Variants in DMRT1 observed in about 807,000 individuals in gnomAD.
DMRT1 encodes the protein doublesex and mab-3 related transcription factor 1, also known as doublesex- and mab-3-related transcription factor 1.
In DMRT1, 7 loss-of-function variants were observed where a neutral mutation model predicts 32.3. That is an observed-to-expected ratio of 0.22 (90% CI 0.12 to 0.41). DMRT1 has a LOEUF of 0.41. Among genes scored for constraint, DMRT1 ranks in the 10% least tolerant of loss-of-function variants. The pLI, the probability that DMRT1 is intolerant of heterozygous loss-of-function variation, is 1.00. For missense variants in DMRT1, 625 were observed against 500.5 expected (o/e 1.25, Z -2.37); for synonymous variants, 278 against 206.1 (o/e 1.35, Z -2.99).
chr9:856,690 G>C (rs1171934110), intron 2 of DMRT1, among the ~76,000 whole-genome samples: 1 of 152,130 alleles, frequency 6.6e-6, no homozygotes, highest in East Asian at 1.9e-4. Flanking sequence ...GAGTAATGTT[G>C]CTGTGAACTT....
chr9:855,528 G>C (rs909657038), intron 2 of DMRT1, among the ~76,000 whole-genome samples: 1 of 152,204 alleles, frequency 6.6e-6, no homozygotes, highest in Non-Finnish European at 1.5e-5. Flanking sequence ...AAAATACTAG[G>C]TAAGTGATCT....
intron 4 of DMRT1, among the ~76,000 whole-genome samples, chr9:963,328 G>A (rs1450901196): frequency 1.3e-5 from 2 of 152,104 alleles, no homozygotes; most frequent in African/African-American, 2.4e-5. Flanking sequence ...ATGGTGTTAC[G>A]GAAAACACAA....
intron 2 of DMRT1, among the ~76,000 whole-genome samples, chr9:878,669 G>C (rs1816610464): frequency 6.6e-6 from 1 of 152,094 alleles, no homozygotes; most frequent in Non-Finnish European, 1.5e-5. Context: ...TTTGGAGCAA[G>C]GATAACTTTG....
chr9:875,378 T>A (rs1816453108), intron 2 of DMRT1, among the ~76,000 whole-genome samples: 2 of 151,984 alleles, frequency 1.3e-5, no homozygotes, highest in Admixed American at 1.3e-4. Flanking sequence ...AGCTTTAGAG[T>A]CTTTGTCCTT....
chr9:885,292 A>T (rs73374718), intron 2 of DMRT1, among the ~76,000 whole-genome samples: 14,027 of 152,218 alleles, frequency 0.092, 1,409 homozygotes, highest in African/African-American at 0.25. Context: ...TATTGCAAGG[A>T]TAGAGGGCTT....
chr9:936,171 T>C (rs1406436108), intron 4 of DMRT1, among the ~76,000 whole-genome samples: 4 of 152,226 alleles, frequency 2.6e-5, no homozygotes, highest in African/African-American at 7.2e-5. Context: ...TCTCCACTTC[T>C]TTATGAAGGA....
chr9:948,165 G>GT (rs1389260837), intron 4 of DMRT1, among the ~76,000 whole-genome samples: 5 of 152,216 alleles, frequency 3.3e-5, no homozygotes, highest in African/African-American at 1.2e-4. Flanking sequence ...TGGGAACACA[G>GT]TGGGGAGCTT....
intron 4 of DMRT1, among the ~76,000 whole-genome samples, chr9:933,985 T>G (rs1818806919): frequency 6.6e-6 from 1 of 151,600 alleles, no homozygotes; most frequent in Non-Finnish European, 1.5e-5. Context: ...CTAACAGAAT[T>G]AGTTGATCCT....
chr9:936,426 A>G (rs1414754734), intron 4 of DMRT1, among the ~76,000 whole-genome samples: 1 of 151,788 alleles, frequency 6.6e-6, no homozygotes, highest in Non-Finnish European at 1.5e-5. Context: ...TCCACTTAAC[A>G]TCTCCTGTGA....
intron 2 of DMRT1, among the ~76,000 whole-genome samples, chr9:880,269 T>G (rs1049332269): frequency 6.6e-6 from 1 of 152,172 alleles, no homozygotes; most frequent in African/African-American, 2.4e-5. Flanking sequence ...TCCCATTGAG[T>G]CACACAGTTT....
At position 965,993 on chromosome 9, in the gene DMRT1, A is replaced by G. The variant is rs954384563; in HGVS notation, c.968-1992A>G. Among the ~76,000 whole-genome samples, 2 of 152,318 alleles carry G rather than the reference A, an allele frequency of 1.3e-5. No individual in the cohort carries two copies. Among genetic ancestry groups the G allele is most frequent in the Admixed American group, 6.5e-5 (1 of 15,300 alleles). On this transcript the variant is annotated intron_variant, in intron 4 of 4. Transcript: ENST00000382276. The surrounding 1 kb of genome is among the most constrained non-coding windows in gnomAD (Gnocchi z 4.5). ...CTGTTCTTCTCCATAGCTTCTATAC[A>G]GAGAAACTTCTGTCACTGGTTGGGG... is the stretch of plus-strand genomic sequence containing the variant.
chr9:926,177 C>G (rs1349854510), intron 4 of DMRT1, among the ~76,000 whole-genome samples: 9 of 145,742 alleles, frequency 6.2e-5, no homozygotes, highest in Non-Finnish European at 1.2e-4. Flanking sequence ...GTGTGGTGTT[C>G]TCTTTACATT....
intron 2 of DMRT1, among the ~76,000 whole-genome samples, chr9:881,719 AGG>A: frequency 6.6e-6 from 1 of 152,368 alleles, no homozygotes; most frequent in East Asian, 1.9e-4. Context: ...AATATTTAAA[AGG>A]TTCAAGAAGG....
chr9:932,823 G>GT (rs906552663), intron 4 of DMRT1, among the ~76,000 whole-genome samples: 3 of 152,072 alleles, frequency 2.0e-5, no homozygotes, highest in Admixed American at 1.3e-4. Flanking sequence ...ACTCTAAGCA[G>GT]TTTTTTTTAA....
At chr9:901,914 T>C (rs1403619127) in intron 3 of DMRT1, among the ~76,000 whole-genome samples, 9 of 35,678 alleles carry the variant, frequency 2.5e-4, no homozygotes, top group Non-Finnish European at 1.3e-3. Flanking sequence ...ACTAGCCCTT[T>C]TTTTTTTTTT....
chr9:861,508 A>T (rs1395001962), intron 2 of DMRT1, among the ~76,000 whole-genome samples: 1 of 152,186 alleles, frequency 6.6e-6, no homozygotes, highest in Non-Finnish European at 1.5e-5. Flanking sequence ...TCTTTTCCCC[A>T]CATTTCCCCC....
At chr9:880,874 T>C (rs1816708893) in intron 2 of DMRT1, among the ~76,000 whole-genome samples, 1 of 152,152 alleles carries the variant, frequency 6.6e-6, no homozygotes, top group African/African-American at 2.4e-5. Flanking sequence ...ATCTTTATGT[T>C]ATTGCAAAAA....
At chr9:899,567 C>T (rs563443966) in intron 3 of DMRT1, among the ~76,000 whole-genome samples, 4 of 152,270 alleles carry the variant, frequency 2.6e-5, no homozygotes, top group South Asian at 4.1e-4. Flanking sequence ...ATCATAGATT[C>T]CTGTCCTGTT....
intron 3 of DMRT1, among the ~76,000 whole-genome samples, chr9:909,938 C>T (rs1004958173): frequency 1.3e-5 from 2 of 152,066 alleles, no homozygotes; most frequent in African/African-American, 4.8e-5. Flanking sequence ...GTTCTCCAAC[C>T]CCCGGGCTCA....
Sources: allele counts gnomAD v4.1 joint callset (sites outside exome capture counted in the v4.1 genomes callset), GRCh38; gene constraint gnomAD v4.1.1; non-coding constraint Gnocchi (gnomAD v3.1); transcripts MANE v1.5; gene names NCBI Gene and HGNC (gene_info 2026-07-23, HGNC 2026-07-21).